The following CAMTA1 variants were observed in gnomAD, a reference collection of about 807,000 sequenced individuals.
CAMTA1 encodes calmodulin binding transcription activator 1, also known as calmodulin-binding transcription activator 1.
Under a neutral mutation model 170.9 loss-of-function variants are expected in CAMTA1, and 27 were observed. That is an observed-to-expected ratio of 0.16 (90% CI 0.12 to 0.22). CAMTA1 has a LOEUF of 0.22. Ranked by LOEUF, CAMTA1 falls within the 10% of genes least tolerant of loss-of-function variation. The pLI is 1.00. For synonymous variants in CAMTA1, 833 were observed against 891.5 expected, an observed-to-expected ratio of 0.93 and a Z score of 1.17; for missense variants, 1,619 against 2,217.2, an observed-to-expected ratio of 0.73 and a Z score of 5.42.
chr1:7,754,680 A>G (rs1401949501), intron 21 of CAMTA1, among the ~76,000 whole-genome samples: 5 of 152,358 alleles, frequency 3.3e-5, no homozygotes, highest in Admixed American at 1.3e-4. Context: ...AAGAAGGTTC[A>G]TTATGAAGAG....
chr1:7,485,284 G>C (rs1412171929), intron 6 of CAMTA1, among the ~76,000 whole-genome samples: 1 of 152,166 alleles, frequency 6.6e-6, no homozygotes, highest in Non-Finnish European at 1.5e-5. Context: ...TCGTCTCTCA[G>C]GGTGTGTCAG....
Position 7,685,537 on chromosome 1 carries a change from G to A in CAMTA1, c.2914+7804G>A, listed in dbSNP as rs940012004. ...CCCCAGGCGAAGCCCTCTGGCTCTGGGCAGTGCGATTCTGCCCCTCCCTCC... is the reference window on the plus strand; with the variant it reads ...CCCCAGGCGAAGCCCTCTGGCTCTGAGCAGTGCGATTCTGCCCCTCCCTCC... On this transcript the variant is annotated intron_variant, in intron 11 of 22. Coordinates refer to ENST00000303635, the MANE Select transcript of CAMTA1 (RefSeq NM_015215.4). This position sits in a 1 kb window ranked among gnomAD's most constrained non-coding sequence, Gnocchi z 5.7. 2.0e-5 allele frequency among the ~76,000 whole-genome samples: 3 copies of A among 152,162 alleles called. No individual in the cohort carries two copies. Among genetic ancestry groups the A allele is most frequent in the African/African-American group, 4.8e-5 (2 of 41,430 alleles).
At chr1:7,406,294 G>T (rs962349102) in intron 5 of CAMTA1, among the ~76,000 whole-genome samples, 1 of 152,190 alleles carries the variant, frequency 6.6e-6, no homozygotes, top group African/African-American at 2.4e-5. Context: ...CCAAACCCTA[G>T]ACTCTGACAA....
chr1:7,655,762 C>T (rs111887287), intron 7 of CAMTA1, among the ~76,000 whole-genome samples: 2,428 of 152,278 alleles, frequency 0.016, 57 homozygotes, highest in African/African-American at 0.055. Flanking sequence ...CCTATATGTA[C>T]AAACACCTAT....
At chr1:7,751,050 T>G (rs993711003) in intron 19 of CAMTA1, 149 bp from the exon 20 acceptor site, 8 of 750,470 alleles carry the variant, frequency 1.1e-5, no homozygotes, top group East Asian at 7.3e-5. Flanking sequence ...ATTCCTCATT[T>G]GCCTCTTTTG....
chr1:7,365,415 C>G (rs2085887561), intron 5 of CAMTA1, among the ~76,000 whole-genome samples: 1 of 152,184 alleles, frequency 6.6e-6, no homozygotes, highest in South Asian at 2.1e-4. Flanking sequence ...AGGAATTCCT[C>G]TCTCCTGTTC....
chr1:7,658,318 A>C (rs1234499997), intron 7 of CAMTA1, among the ~76,000 whole-genome samples: 1 of 152,168 alleles, frequency 6.6e-6, no homozygotes, highest in Non-Finnish European at 1.5e-5. Context: ...AGCTTAGGAC[A>C]GAGCTGCGTG....
intron 6 of CAMTA1, among the ~76,000 whole-genome samples, chr1:7,513,568 T>G (rs930136721): frequency 2.6e-5 from 4 of 152,206 alleles, no homozygotes; most frequent in Non-Finnish European, 5.9e-5. Context: ...AAGATCACTC[T>G]GACCCCTGCC....
intron 6 of CAMTA1, among the ~76,000 whole-genome samples, chr1:7,487,565 C>G (rs369766679): frequency 6.6e-6 from 1 of 152,200 alleles, no homozygotes; most frequent in Non-Finnish European, 1.5e-5. Context: ...AGGACCTGCC[C>G]GTGCTCTCTA....
intron 4 of CAMTA1, among the ~76,000 whole-genome samples, chr1:7,179,236 A>G (rs1008523209): frequency 6.6e-6 from 1 of 152,248 alleles, no homozygotes; most frequent in Non-Finnish European, 1.5e-5. Flanking sequence ...ACGAATATCT[A>G]TGCATGAAAT....
intron 5 of CAMTA1, among the ~76,000 whole-genome samples, chr1:7,273,127 G>A (rs1670095720): frequency 6.6e-6 from 1 of 152,176 alleles, no homozygotes; most frequent in South Asian, 2.1e-4. Flanking sequence ...TGGAGAAATT[G>A]GAACCCTCAC....
At chr1:7,394,612 T>G (rs2089086561) in intron 5 of CAMTA1, among the ~76,000 whole-genome samples, 1 of 152,222 alleles carries the variant, frequency 6.6e-6, no homozygotes, top group Non-Finnish European at 1.5e-5. Flanking sequence ...GATACACAGT[T>G]TGCAAATATT....
chr1:6,853,261 T>C (rs1010504978), intron 3 of CAMTA1: 9 of 152,186 alleles, frequency 5.9e-5, no homozygotes, highest in Non-Finnish European at 1.0e-4. Context: ...TTTAAAAATA[T>C]AGTAGTAGCA....
At chr1:7,461,757 C>T (rs1276089153) in intron 5 of CAMTA1, among the ~76,000 whole-genome samples, 11 of 152,258 alleles carry the variant, frequency 7.2e-5, no homozygotes, top group Admixed American at 7.2e-4. Flanking sequence ...AAAAGGTCTT[C>T]ATGGCAGACC....
chr1:7,378,787 G>A (rs972677619), intron 5 of CAMTA1, among the ~76,000 whole-genome samples: 12 of 152,152 alleles, frequency 7.9e-5, no homozygotes, highest in Admixed American at 5.2e-4. Flanking sequence ...ATCGGAGACC[G>A]AGTCAGAGGC....
intron 6 of CAMTA1, among the ~76,000 whole-genome samples, chr1:7,591,134 C>T (rs1468999485): frequency 2.6e-5 from 4 of 152,280 alleles, no homozygotes; most frequent in Admixed American, 6.5e-5. Flanking sequence ...GTGCAGTTCC[C>T]GGGCGCTGCA....
intron 5 of CAMTA1, among the ~76,000 whole-genome samples, chr1:7,464,790 A>T (rs2093171898): frequency 6.6e-6 from 1 of 151,816 alleles, no homozygotes; most frequent in Non-Finnish European, 1.5e-5. Flanking sequence ...TTGCTGCATA[A>T]GCTCTCAGCC....
intron 6 of CAMTA1, among the ~76,000 whole-genome samples, chr1:7,574,922 C>G (rs540047814): frequency 1.3e-5 from 2 of 152,220 alleles, no homozygotes; most frequent in African/African-American, 4.8e-5. Flanking sequence ...CAGAGCTCCA[C>G]CAGGGAAGGA....
intron 4 of CAMTA1, among the ~76,000 whole-genome samples, chr1:7,168,038 G>A (rs906549651): frequency 6.6e-6 from 1 of 152,008 alleles, no homozygotes; most frequent in African/African-American, 2.4e-5. Flanking sequence ...ACCCAGCTGA[G>A]TTTTCTATCT....
Sources: gnomAD v4.1 joint callset for allele counts (sites outside exome capture counted in the v4.1 genomes callset) on GRCh38, gnomAD v4.1.1 for gene constraint, Gnocchi (gnomAD v3.1) non-coding constraint, MANE v1.5 for transcripts, NCBI Gene and HGNC (gene_info 2026-07-23, HGNC 2026-07-21) for gene names.